The following RBM6 variants were observed in gnomAD, a reference collection of about 807,000 sequenced individuals.
RBM6 encodes RNA-binding protein 6.
RBM6 carries 23 observed loss-of-function variants against 140.4 expected under a neutral mutation model. The ratio of observed to expected loss-of-function variants is 0.16; its 90% CI spans 0.12 to 0.23. RBM6 has a LOEUF of 0.23. Among genes scored for constraint, RBM6 ranks in the 10% least tolerant of loss-of-function variants. RBM6 has a pLI of 1.00. For synonymous variants in RBM6, 439 were observed against 475.6 expected (o/e 0.92, Z 1.00); for missense variants, 1,139 against 1,386.7 (o/e 0.82, Z 2.84).
intron 6 of RBM6, among the ~76,000 whole-genome samples, chr3:50,018,061 G>A (rs1477287306): frequency 6.6e-6 from 1 of 152,150 alleles, no homozygotes; most frequent in Non-Finnish European, 1.5e-5. Context: ...ATTATCAAGG[G>A]TTCACTCTGG....
At chr3:49,948,211 G>A (rs140534205) in intron 1 of RBM6, among the ~76,000 whole-genome samples, 1 of 152,180 alleles carries the variant, frequency 6.6e-6, no homozygotes, top group African/African-American at 2.4e-5. Context: ...TGTGATGGCT[G>A]TAGCTAAATG....
rs13069356 is a variant in RBM6 at position 50,007,265 on chromosome 3, C to T, written c.1557+7752C>T. Among the ~76,000 whole-genome samples the T allele has an allele frequency of 6.8e-3, 1,021 of 149,138 alleles. 4 individuals carry two copies. The highest frequency in any genetic ancestry group is 0.011 in the Non-Finnish European group (734 of 67,510). Reference sequence around the variant, plus strand: ...AGGCTGGAGTGCAGTGGTGCGATCTCGGCTCACTGCAACCTCCGTTTTTGG... The same window carrying T: ...AGGCTGGAGTGCAGTGGTGCGATCTTGGCTCACTGCAACCTCCGTTTTTGG... On this transcript the variant is annotated intron_variant, in intron 6 of 20. Transcript: ENST00000266022.
intron 16 of RBM6, chr3:50,065,442 G>A (rs890505185): frequency 4.3e-5 from 19 of 439,922 alleles, no homozygotes; most frequent in South Asian, 2.7e-4. Context: ...AAGGAAACCC[G>A]TTTTCTCAGC....
chr3:50,068,867 C>A, intron 18 of RBM6, 103 bp downstream of exon 18: 1 of 1,002,790 alleles, frequency 1.0e-6, no homozygotes, highest in Non-Finnish European at 1.5e-6. Context: ...AGATGGAGAA[C>A]AAAAGCAGCC....
chr3:50,002,625 G>T (rs924652227), intron 6 of RBM6, among the ~76,000 whole-genome samples: 1 of 152,138 alleles, frequency 6.6e-6, no homozygotes, highest in Non-Finnish European at 1.5e-5. Flanking sequence ...TTGAACTGCA[G>T]ACCTTAGGTG....
chr3:49,968,275 G>C lies in RBM6; in HGVS notation c.850G>C (p.Glu284Gln). Residue 284 changes from glutamate (E) to glutamine (Q), a missense_variant, in exon 3 of 21, where the codon GAG (glutamate) becomes CAG (glutamine). Around this residue, in one of 9 missense-constraint regions of RBM6, gnomAD observed 566 missense variants for 612.7 expected, o/e 0.92. Coordinates refer to ENST00000266022, the MANE Select transcript of RBM6 (RefSeq NM_005777.3). ...MGSCMEFKDR[E>Q]MPPVDPNILD... The stretch of plus-strand genomic sequence containing the variant: ...ATCTTGTATGGAATTTAAAGATAGG[G>C]AGATGCCCCCTGTGGATCCAAATAT... The C allele has an allele frequency of 6.2e-7, 1 of 1,614,102 alleles. No individual in the cohort carries two copies. Among genetic ancestry groups the C allele is most frequent in the South Asian group, 1.1e-5 (1 of 91,082 alleles).
At chr3:49,969,048 G>A (rs1395820682) in intron 3 of RBM6, among the ~76,000 whole-genome samples, 1 of 149,938 alleles carries the variant, frequency 6.7e-6, no homozygotes, top group African/African-American at 2.5e-5. Context: ...TTTTTGAAAC[G>A]GAGTCTTGCT....
In RBM6 at chr3:50,052,735, G is replaced by A. The variant is rs984986594; in HGVS notation, c.1633-1600G>A. 3.9e-5 allele frequency among the ~76,000 whole-genome samples: 6 copies of A among 152,226 alleles called. No homozygotes were observed. The South Asian group carries it at 8.3e-4, about 21-fold the overall frequency. On this transcript the variant is annotated intron_variant, in intron 7 of 20. Transcript: ENST00000266022. Reference sequence around the variant, plus strand: ...GTTGTTTGCTACAGTTCTGTTCCACGTGGCTTCTCATCCCAGGACCCAGGC... The same window carrying A: ...GTTGTTTGCTACAGTTCTGTTCCACATGGCTTCTCATCCCAGGACCCAGGC...
intron 5 of RBM6, among the ~76,000 whole-genome samples, chr3:49,980,425 A>AG (rs2085255789): frequency 6.6e-6 from 1 of 152,160 alleles, no homozygotes; most frequent in Non-Finnish European, 1.5e-5. Context: ...GAAGGAAGGA[A>AG]GAGAGTATTG....
chr3:49,969,855 A>G (rs1387384810), intron 3 of RBM6, among the ~76,000 whole-genome samples: 1 of 149,952 alleles, frequency 6.7e-6, no homozygotes, highest in Non-Finnish European at 1.5e-5. Flanking sequence ...TGCAACCTCT[A>G]CCTCCTGGGT....
rs554989247 is a variant in RBM6 at position 49,966,032 on chromosome 3, A to C, written c.45-1438A>C. Among the ~76,000 whole-genome samples the C allele has an allele frequency of 4.6e-5, 7 of 152,246 alleles. 1 individual carries two copies. In the South Asian group the frequency reaches 1.2e-3, roughly 27 times the overall value. On this transcript the variant is annotated intron_variant, in intron 2 of 20. Coordinates refer to ENST00000266022, the MANE Select transcript of RBM6 (RefSeq NM_005777.3). ...TCCCAGCTACTCTGGAGGCTGAGGC[A>C]TGAGAATTGCTTGAACCCAGGAGGC... is the stretch of plus-strand genomic sequence containing the variant.
At chr3:50,025,323 T>C (rs1189163497) in intron 6 of RBM6, among the ~76,000 whole-genome samples, 3 of 151,338 alleles carry the variant, frequency 2.0e-5, no homozygotes, top group Non-Finnish European at 4.4e-5. Context: ...CACAGGAGGC[T>C]GAGGCAGGAT....
Position 49,966,217 on chromosome 3 carries a change from G to A in RBM6, c.45-1253G>A, listed in dbSNP as rs143721438. Among the ~76,000 whole-genome samples, 11 of 152,380 alleles carry A rather than the reference G, an allele frequency of 7.2e-5. No homozygotes were observed. The East Asian group carries it at 2.1e-3, about 29-fold the overall frequency. ...AGAATCAGTTGTCCTTTGAATTTTA[G>A]TATAGTAGCATAGTCTGAGCTCAGA... On this transcript the variant is annotated intron_variant, in intron 2 of 20. Coordinates refer to ENST00000266022, the MANE Select transcript of RBM6 (RefSeq NM_005777.3).
At chr3:50,073,818 G>T (rs936525889) in intron 19 of RBM6, among the ~76,000 whole-genome samples, 6 of 151,210 alleles carry the variant, frequency 4.0e-5, no homozygotes, top group Non-Finnish European at 8.8e-5. Flanking sequence ...ATAAGTTCAA[G>T]GTTTTTTACA....
chr3:49,982,709 T>TAAAAATAG (rs1264689387), intron 5 of RBM6, among the ~76,000 whole-genome samples: 4 of 138,876 alleles, frequency 2.9e-5, no homozygotes, highest in Admixed American at 7.3e-5. Flanking sequence ...TGAGCCACCG[T>TAAAAATAG]GTCTGGCCTA....
chr3:50,075,439 G>A (rs1359692485), intron 20 of RBM6, 109 bp downstream of exon 20: 4 of 1,413,140 alleles, frequency 2.8e-6, no homozygotes, highest in Non-Finnish European at 3.9e-6. Flanking sequence ...TTTCTCTACT[G>A]CTGGGATAGG....
Position 49,972,799 on chromosome 3 carries a change from C to G in RBM6, c.1413+651C>G, listed in dbSNP as rs529929915. Among the ~76,000 whole-genome samples the G allele has an allele frequency of 3.3e-5, 5 of 152,260 alleles. No homozygotes were observed. In the South Asian group the frequency reaches 8.3e-4, roughly 25 times the overall value. On this transcript the variant is annotated intron_variant, in intron 4 of 20. Coordinates refer to ENST00000266022, the MANE Select transcript of RBM6 (RefSeq NM_005777.3). ...CAATTTTAGTCAGCAAATAAATACT[C>G]TGAAGAAAACTAAAGTACAGGCGGG...
At chr3:49,948,462 C>A (rs2083588153) in intron 1 of RBM6, among the ~76,000 whole-genome samples, 1 of 152,064 alleles carries the variant, frequency 6.6e-6, no homozygotes, top group Non-Finnish European at 1.5e-5. Flanking sequence ...TGCTGTGGCT[C>A]ACGCCTGTAA....
At chr3:50,056,391 T>A (rs1353225756) in intron 8 of RBM6, among the ~76,000 whole-genome samples, 1 of 151,972 alleles carries the variant, frequency 6.6e-6, no homozygotes, top group Non-Finnish European at 1.5e-5. Flanking sequence ...GCCTCCCAGG[T>A]TCACGCCATT....
Sources: gnomAD v4.1 joint callset for allele counts (sites outside exome capture counted in the v4.1 genomes callset) on GRCh38, gnomAD v4.1.1 for gene constraint, gnomAD v4.1.1 regional missense constraint, MANE v1.5 for transcripts, NCBI Gene and HGNC (gene_info 2026-07-23, HGNC 2026-07-21) for gene names.